TENM1: variants seen among roughly 807,000 people sequenced by gnomAD.
TENM1 encodes teneurin transmembrane protein 1, also known as teneurin-1.
A neutral mutation model predicts 174.8 loss-of-function variants in TENM1; 35 were observed. That is an observed-to-expected ratio of 0.20 (90% CI 0.15 to 0.27). The LOEUF (loss-of-function observed/expected upper bound fraction) is 0.27. TENM1 is among the 10% of genes least tolerant of loss of function. TENM1 has a pLI of 1.00. For synonymous variants in TENM1, 781 were observed against 798.7 expected (o/e 0.98, Z 0.37); for missense variants, 1,633 against 2,130.1 (o/e 0.77, Z 4.59).
chrX:124,492,704 G>A (rs1397663291), intron 20 of TENM1, among the ~76,000 whole-genome samples: 1 of 110,457 alleles, frequency 9.1e-6, no homozygotes, highest in Non-Finnish European at 1.9e-5. Flanking sequence ...TCACAGGAGT[G>A]TTGGAATAGA....
At chrX:124,392,499 G>T in intron 27 of TENM1, 151 bp from the exon 31 acceptor site, 1 of 457,549 alleles carries the variant, frequency 2.2e-6, no homozygotes, top group Non-Finnish European at 3.7e-6. Context: ...GATGCCACCT[G>T]TCTTTATTCC....
At chrX:124,938,499 G>A (rs1447080132) in intron 1 of TENM1, among the ~76,000 whole-genome samples, 1 of 111,859 alleles carries the variant, frequency 8.9e-6, no homozygotes, top group East Asian at 2.8e-4. Context: ...GCAATTTTAG[G>A]TTTCACAATA....
At chrX:124,974,167 A>G in the TENM1 span, among the ~76,000 whole-genome samples, 5 of 111,874 alleles carry the variant, frequency 4.5e-5, no homozygotes, top group African/African-American at 1.6e-4. Flanking sequence ...TTGCTTTTAC[A>G]ACAGACCCAC....
the TENM1 span, among the ~76,000 whole-genome samples, chrX:125,070,382 G>A: frequency 2.7e-5 from 3 of 110,652 alleles, no homozygotes; most frequent in Non-Finnish European, 5.7e-5. Context: ...GGAGTTGTTT[G>A]TTTTTTCCTT....
At chrX:124,854,791 ATTTAAG>A (rs1243157610) in intron 3 of TENM1, among the ~76,000 whole-genome samples, 1 of 112,011 alleles carries the variant, frequency 8.9e-6, no homozygotes, top group Non-Finnish European at 1.9e-5. Flanking sequence ...AGTGGAAAAC[ATTTAAG>A]TTTAAGTAAA....
the TENM1 span, among the ~76,000 whole-genome samples, chrX:125,000,952 C>A: frequency 9.1e-6 from 1 of 110,037 alleles, no homozygotes; most frequent in Non-Finnish European, 1.9e-5. Context: ...CCCATTTGTT[C>A]CAATTCAAAT....
At chrX:124,622,529 CAT>C (rs1460106560) in intron 11 of TENM1, among the ~76,000 whole-genome samples, 2 of 112,264 alleles carry the variant, frequency 1.8e-5, no homozygotes, top group South Asian at 3.7e-4. Flanking sequence ...TTTTAAGTTG[CAT>C]ATGTTTTCTT....
the TENM1 span, among the ~76,000 whole-genome samples, chrX:125,108,468 G>C: frequency 9.0e-6 from 1 of 111,340 alleles, no homozygotes; most frequent in African/African-American, 3.3e-5. Flanking sequence ...TGCCTATAAT[G>C]CCAGCACTTT....
In TENM1 at chrX:124,910,868, G is replaced by A. The variant is rs1415158179; in HGVS notation, c.218-14627C>T. Among the ~76,000 whole-genome samples, 4 of 110,653 alleles carry A rather than the reference G, an allele frequency of 3.6e-5. No individual in the cohort carries two copies. In the Admixed American group the frequency reaches 3.8e-4, roughly 11 times the overall value. ...TAGCGAATCTGAAAAAGTTAAGCTA[G>A]GTTTGGTATACTTTCTCTTCCCTGA... On this transcript the variant is annotated intron_variant, in intron 1 of 31. Coordinates refer to ENST00000422452, the Ensembl canonical transcript of TENM1.
chrX:124,537,022 G>A (rs1326745099), intron 15 of TENM1, among the ~76,000 whole-genome samples: 3 of 111,352 alleles, frequency 2.7e-5, no homozygotes, highest in African/African-American at 9.8e-5. Context: ...CTCCACAGAC[G>A]AAGAAGTGTG....
chrX:125,059,499 G>A, the TENM1 span, among the ~76,000 whole-genome samples: 10 of 110,048 alleles, frequency 9.1e-5, no homozygotes, highest in Non-Finnish European at 1.9e-5. Flanking sequence ...CCCGCAACAG[G>A]TCAATTTTAT....
intron 1 of TENM1, among the ~76,000 whole-genome samples, chrX:124,949,514 T>C (rs952894215): frequency 6.3e-5 from 7 of 111,834 alleles, no homozygotes; most frequent in Non-Finnish European, 1.3e-4. Flanking sequence ...TACAGACTGC[T>C]GTAGGAGTAT....
chrX:124,560,191 T>TTGTGTGTGTGTG lies in TENM1; in HGVS notation c.2434+1468_2434+1479dup, dbSNP rs375476919. Among the ~76,000 whole-genome samples, 223 of 88,210 alleles carry TTGTGTGTGTGTG rather than the reference T, an allele frequency of 2.5e-3. 5 individuals carry two copies. Among genetic ancestry groups the TTGTGTGTGTGTG allele is most frequent in the African/African-American group, 8.5e-3 (202 of 23,774 alleles). 76.6% of individuals were successfully genotyped at this position (88,210 alleles called of 115,157 possible). ...CTCTTCAGAAAATAGTCTCTTCTAT[T>TTGTGTGTGTGTG]TGTGTGTGTGTGTGTGTGTGTGTGT... On this transcript the variant is annotated intron_variant, in intron 14 of 31. Coordinates refer to ENST00000422452, the Ensembl canonical transcript of TENM1.
the TENM1 span, among the ~76,000 whole-genome samples, chrX:125,059,561 A>AT: frequency 9.0e-6 from 1 of 111,102 alleles, no homozygotes; most frequent in East Asian, 2.8e-4. Context: ...TTCATGCTAC[A>AT]TATCTGCTAC....
intron 15 of TENM1, among the ~76,000 whole-genome samples, chrX:124,534,291 G>A (rs2048164996): frequency 1.8e-5 from 2 of 111,529 alleles, no homozygotes; most frequent in South Asian, 3.8e-4. Context: ...GATGCAAAAG[G>A]TCTAATTCAT....
At chrX:124,677,432 A>T (rs143717064) in intron 5 of TENM1, among the ~76,000 whole-genome samples, 4 of 111,329 alleles carry the variant, frequency 3.6e-5, no homozygotes, top group Non-Finnish European at 7.6e-5. Context: ...CATTGCTGAT[A>T]GGAGTGTACA....
the TENM1 span, among the ~76,000 whole-genome samples, chrX:125,134,723 T>C: frequency 8.9e-6 from 1 of 112,327 alleles, no homozygotes; most frequent in Non-Finnish European, 1.9e-5. Context: ...GAAGAAAATG[T>C]GTCTCTGTAA....
At chrX:125,029,420 A>G in the TENM1 span, among the ~76,000 whole-genome samples, 2 of 111,295 alleles carry the variant, frequency 1.8e-5, no homozygotes, top group Non-Finnish European at 3.8e-5. Flanking sequence ...AGCACTTTAA[A>G]AGCAAAACAT....
At chrX:125,000,273 T>C in the TENM1 span, among the ~76,000 whole-genome samples, 2 of 111,606 alleles carry the variant, frequency 1.8e-5, no homozygotes, top group South Asian at 3.7e-4. Flanking sequence ...AGTATGCTTG[T>C]CTTCAGGATT....
Sources: gnomAD v4.1 joint callset for allele counts (sites outside exome capture counted in the v4.1 genomes callset) on GRCh38, gnomAD v4.1.1 for gene constraint, MANE v1.5 for transcripts, NCBI Gene and HGNC (gene_info 2026-07-23, HGNC 2026-07-21) for gene names.